The following MAMDC2 variants were observed in gnomAD, a reference collection of about 807,000 sequenced individuals.
The protein encoded by MAMDC2 is MAM domain-containing protein 2.
MAMDC2 carries 57 observed loss-of-function variants against 89.8 expected under a neutral mutation model. That is an observed-to-expected ratio of 0.63 (90% confidence interval 0.51 to 0.79). MAMDC2 has a LOEUF of 0.79. MAMDC2 is among the 30% of genes least tolerant of loss of function. The probability of loss-of-function intolerance (pLI) is 0.00; values close to 1 mark genes in which losing one functional copy is unlikely to be tolerated. For synonymous variants in MAMDC2, 313 were observed against 293.4 expected, an observed-to-expected ratio of 1.07 and a Z score of -0.68; for missense variants, 800 against 820.6, an observed-to-expected ratio of 0.97 and a Z score of 0.31.
intron 7 of MAMDC2, 81 bp from the exon 8 acceptor site, chr9:70,140,064 T>C (rs1257211865): frequency 2.3e-5 from 32 of 1,389,574 alleles, no homozygotes; most frequent in Non-Finnish European, 3.0e-5. Context: ...CAAATGTGTA[T>C]ATATAAATAT....
intron 2 of MAMDC2, among the ~76,000 whole-genome samples, chr9:70,044,952 TTAA>T (rs1826710199): frequency 6.6e-6 from 1 of 152,236 alleles, no homozygotes; most frequent in Admixed American, 6.5e-5. Flanking sequence ...CCAGCACTCC[TTAA>T]TGGAAGGGAG....
chr9:70,087,371 G>A (rs1328278571), intron 2 of MAMDC2: 2 of 152,148 alleles, frequency 1.3e-5, no homozygotes, highest in African/African-American at 2.4e-5. Context: ...CCATCTCTTT[G>A]TATGTCTTAG....
chr9:70,044,329 C>T, intron 1 of MAMDC2, 98 bp downstream of exon 1: 2 of 1,329,988 alleles, frequency 1.5e-6, no homozygotes, highest in Non-Finnish European at 2.1e-6. Context: ...TGGGCTGGGC[C>T]ATCCGAGGGC....
At chr9:70,205,559 C>G (rs1390710130) in intron 11 of MAMDC2, among the ~76,000 whole-genome samples, 2 of 152,174 alleles carry the variant, frequency 1.3e-5, no homozygotes, top group East Asian at 1.9e-4. Flanking sequence ...GGAGGAACAG[C>G]TGCTTCACAG....
Position 70,220,664 on chromosome 9 carries a change from T to C in MAMDC2, c.1911+2068T>C, listed in dbSNP as rs1457969643. Among the ~76,000 whole-genome samples, 14 of 152,346 alleles carry C rather than the reference T, an allele frequency of 9.2e-5. No homozygotes were observed. The East Asian group carries it at 2.5e-3, about 27-fold the overall frequency. The stretch of plus-strand genomic sequence containing the variant: ...GAAAAGTAAATGTCTGGCTGATAAG[T>C]GGCTGAATGAGAACCAGATCTGCAT... On this transcript the variant is annotated intron_variant, in intron 12 of 13. Coordinates refer to ENST00000377182, the MANE Select transcript of MAMDC2 (RefSeq NM_153267.5).
rs1240040321 is a variant in MAMDC2 at position 70,043,986 on chromosome 9, G to C, written c.-212G>C. 1 of 612,614 alleles carries C rather than the reference G, an allele frequency of 1.6e-6. No homozygotes were observed. The highest frequency in any genetic ancestry group is 2.0e-5 in the South Asian group (1 of 50,750). 37.9% of individuals were successfully genotyped at this position (612,614 alleles called of 1,614,324 possible). The stretch of plus-strand genomic sequence containing the variant: ...TGCTGCTCAGCGCCGGGGCGCTGGC[G>C]CTCTCCATTCGAGCACCTTCCAGCA... On this transcript the variant is annotated 5_prime_UTR_variant, in exon 1 of 14. Coordinates refer to ENST00000377182, the MANE Select transcript of MAMDC2 (RefSeq NM_153267.5).
At chr9:70,139,632 AC>A (rs1353069496) in intron 7 of MAMDC2, among the ~76,000 whole-genome samples, 1 of 152,146 alleles carries the variant, frequency 6.6e-6, no homozygotes, top group East Asian at 1.9e-4. Context: ...TTGGGTATAT[AC>A]CCAGTAATGG....
intron 11 of MAMDC2, among the ~76,000 whole-genome samples, chr9:70,183,858 T>C (rs1405152351): frequency 6.6e-6 from 1 of 152,200 alleles, no homozygotes; most frequent in Non-Finnish European, 1.5e-5. Context: ...AAGATTAATA[T>C]TGTTATTTGA....
At chr9:70,209,884 C>T (rs1050297885) in intron 11 of MAMDC2, among the ~76,000 whole-genome samples, 10 of 152,272 alleles carry the variant, frequency 6.6e-5, no homozygotes, top group South Asian at 2.1e-4. Context: ...GCCTTCATTT[C>T]GTTATGTACC....
chr9:70,157,113 A>G (rs982698706), intron 9 of MAMDC2, among the ~76,000 whole-genome samples: 2 of 152,226 alleles, frequency 1.3e-5, no homozygotes, highest in African/African-American at 4.8e-5. Flanking sequence ...GCAAACATTT[A>G]TTCCAAAGTT....
intron 11 of MAMDC2, chr9:70,217,151 A>C: frequency 1.6e-6 from 1 of 625,570 alleles, no homozygotes. Context: ...ATATTACAGA[A>C]TATGGCTCTT....
chr9:70,151,980 CCT>C (rs2031596519), intron 9 of MAMDC2, among the ~76,000 whole-genome samples: 2 of 152,126 alleles, frequency 1.3e-5, no homozygotes, highest in Non-Finnish European at 1.5e-5. Flanking sequence ...ATTATTTCCA[CCT>C]CTCAGTGAGT....
At chr9:70,185,185 T>G (rs912853196) in intron 11 of MAMDC2, among the ~76,000 whole-genome samples, 2 of 152,240 alleles carry the variant, frequency 1.3e-5, no homozygotes, top group South Asian at 4.1e-4. Context: ...TTCCAGACCC[T>G]GTTTGCCTGG....
intron 2 of MAMDC2, among the ~76,000 whole-genome samples, chr9:70,103,930 C>T (rs994219370): frequency 6.6e-6 from 1 of 151,266 alleles, no homozygotes; most frequent in African/African-American, 2.4e-5. Flanking sequence ...TGCAGTGAGC[C>T]GAGATCACGC....
intron 2 of MAMDC2, among the ~76,000 whole-genome samples, chr9:70,058,569 G>A (rs182806154): frequency 2.3e-4 from 35 of 152,216 alleles, no homozygotes; most frequent in African/African-American, 5.1e-4. Context: ...CCCATTTTAC[G>A]GTTGAGACAG....
At chr9:70,174,874 C>T (rs983826234) in intron 11 of MAMDC2, among the ~76,000 whole-genome samples, 82 of 151,992 alleles carry the variant, frequency 5.4e-4, no homozygotes, top group Middle Eastern at 3.4e-3. Context: ...TACAGGTGCC[C>T]GCCACCATGC....
chr9:70,197,006 A>G (rs536628366), intron 11 of MAMDC2, among the ~76,000 whole-genome samples: 1 of 152,168 alleles, frequency 6.6e-6, no homozygotes, highest in Admixed American at 6.5e-5. Context: ...CCTGTTAATA[A>G]GAGACAATGC....
chr9:70,217,546 G>A, intron 11 of MAMDC2: 2 of 1,587,024 alleles, frequency 1.3e-6, no homozygotes, highest in Non-Finnish European at 1.7e-6. Context: ...AGCAAAAAAG[G>A]CTAAGCAAGC....
At chr9:70,137,601 T>C (rs903478578) in intron 7 of MAMDC2, among the ~76,000 whole-genome samples, 8 of 152,170 alleles carry the variant, frequency 5.3e-5, no homozygotes, top group Non-Finnish European at 8.8e-5. Flanking sequence ...ACCTGAATGT[T>C]TTCTTGCTTT....
Sources: gnomAD v4.1 joint callset for allele counts (sites outside exome capture counted in the v4.1 genomes callset) on GRCh38, gnomAD v4.1.1 for gene constraint, MANE v1.5 for transcripts, NCBI Gene and HGNC (gene_info 2026-07-23, HGNC 2026-07-21) for gene names.